DLGAP2: variants seen among roughly 807,000 people sequenced by gnomAD.
DLGAP2 encodes the protein disks large-associated protein 2.
Under a neutral mutation model 100.3 loss-of-function variants are expected in DLGAP2, and 26 were observed. The observed-to-expected ratio is 0.26, with a 90% CI of 0.19 to 0.36. DLGAP2 has a LOEUF of 0.36. DLGAP2 is among the 10% of genes least tolerant of loss of function. The pLI is 1.00. For synonymous variants in DLGAP2, 886 were observed against 630.1 expected (o/e 1.41, Z -6.08); for missense variants, 1,858 against 1,453.2 (o/e 1.28, Z -4.53).
chr8:828,775 A>G (rs1034667526), intron 1 of DLGAP2, among the ~76,000 whole-genome samples: 3 of 152,228 alleles, frequency 2.0e-5, no homozygotes, highest in African/African-American at 4.8e-5. Context: ...TTACAAAAGT[A>G]TTAATTTGGG....
rs564215028 is a variant in DLGAP2 at position 881,050 on chromosome 8, A to G, written c.19-26862A>G. Among the ~76,000 whole-genome samples, 4 of 152,358 alleles carry G rather than the reference A, an allele frequency of 2.6e-5. No individual in the cohort carries two copies. In the South Asian group the frequency reaches 6.2e-4, roughly 24 times the overall value. On this transcript the variant is annotated intron_variant, in intron 1 of 14. Coordinates refer to ENST00000637795, the MANE Select transcript of DLGAP2 (RefSeq NM_001346810.2). The stretch of plus-strand genomic sequence containing the variant: ...ATATAAGTGAGTAAGGTCTACCTTC[A>G]TTTTGCAAAGCTCAGGTGATATTCA...
At chr8:1,443,998 C>T (rs1394279801) in intron 3 of DLGAP2, among the ~76,000 whole-genome samples, 1 of 152,164 alleles carries the variant, frequency 6.6e-6, no homozygotes, top group Non-Finnish European at 1.5e-5. Context: ...AGAAGCATGC[C>T]AATTATGAGT....
chr8:1,627,355 C>T (rs984515337), intron 7 of DLGAP2, among the ~76,000 whole-genome samples: 3 of 152,212 alleles, frequency 2.0e-5, no homozygotes, highest in East Asian at 1.9e-4. Flanking sequence ...GGACTGATTT[C>T]GGGACAGGCA....
At chr8:1,451,821 G>C (rs1442613343) in intron 3 of DLGAP2, among the ~76,000 whole-genome samples, 1 of 152,162 alleles carries the variant, frequency 6.6e-6, no homozygotes, top group East Asian at 1.9e-4. Context: ...CCACTAGGTA[G>C]CTGGCCCACA....
intron 2 of DLGAP2, among the ~76,000 whole-genome samples, chr8:1,234,998 GTTCTCTCACACATAGCGTTGTGTCTAA>G (rs1032844058): frequency 1.1e-4 from 1 of 9,150 alleles, no homozygotes; most frequent in African/African-American, 2.1e-4. Context: ...ATCGTGTCTA[GTTCTCTCACACATAGCGTTGTGTCTAA>G]TTCTCTCTCA....
At chr8:1,513,531 C>T (rs1372690077) in intron 4 of DLGAP2, among the ~76,000 whole-genome samples, 1 of 152,246 alleles carries the variant, frequency 6.6e-6, no homozygotes, top group Admixed American at 6.5e-5. Flanking sequence ...AGTGGTTTGC[C>T]TCTGTGGCAT....
chr8:943,106 T>C (rs1045138236), intron 2 of DLGAP2, among the ~76,000 whole-genome samples: 3 of 152,214 alleles, frequency 2.0e-5, no homozygotes, highest in African/African-American at 7.2e-5. Flanking sequence ...TGGCATCACA[T>C]TGTTTATACA....
intron 6 of DLGAP2, among the ~76,000 whole-genome samples, chr8:1,619,340 C>T (rs1441748983): frequency 3.3e-5 from 5 of 152,300 alleles, no homozygotes; most frequent in East Asian, 3.9e-4. Context: ...CAAGAGGATA[C>T]GGGTGGAGGC....
intron 3 of DLGAP2, among the ~76,000 whole-genome samples, chr8:1,357,167 A>G (rs1027754030): frequency 2.0e-5 from 3 of 152,156 alleles, no homozygotes; most frequent in African/African-American, 7.2e-5. Context: ...GTGGACCAGG[A>G]AACGAGCCGC....
At chr8:1,682,665 A>G (rs1367084700) in intron 12 of DLGAP2, among the ~76,000 whole-genome samples, 2 of 151,248 alleles carry the variant, frequency 1.3e-5, no homozygotes, top group Admixed American at 1.3e-4. Context: ...GTAGAGATGG[A>G]GTTTCACCAT....
At chr8:1,518,814 G>C (rs1800485880) in intron 4 of DLGAP2, among the ~76,000 whole-genome samples, 1 of 152,150 alleles carries the variant, frequency 6.6e-6, no homozygotes, top group Non-Finnish European at 1.5e-5. Context: ...CACTGTCTTT[G>C]GCTACTGGAA....
chr8:905,461 A>G (rs1798359484), intron 1 of DLGAP2, among the ~76,000 whole-genome samples: 1 of 152,004 alleles, frequency 6.6e-6, no homozygotes, highest in African/African-American at 2.4e-5. Context: ...CCCCCCCCAC[A>G]GCCCTTTTTC....
intron 2 of DLGAP2, among the ~76,000 whole-genome samples, chr8:1,183,826 C>T (rs1797443336): frequency 6.6e-6 from 1 of 152,198 alleles, no homozygotes; most frequent in Admixed American, 6.5e-5. Flanking sequence ...AGCCTTCAGG[C>T]AGAGAACGTA....
At chr8:1,588,923 A>C (rs1299046229) in intron 6 of DLGAP2, among the ~76,000 whole-genome samples, 1 of 152,106 alleles carries the variant, frequency 6.6e-6, no homozygotes, top group Non-Finnish European at 1.5e-5. Context: ...CTTCATCTCA[A>C]GTTTGGAGGG....
chr8:1,441,368 T>G (rs1160785827), intron 3 of DLGAP2, among the ~76,000 whole-genome samples: 1 of 152,150 alleles, frequency 6.6e-6, no homozygotes, highest in Admixed American at 6.6e-5. Flanking sequence ...TCACTGTTTC[T>G]GAGAGCGATC....
At chr8:922,174 G>T (rs74318497) in intron 2 of DLGAP2, among the ~76,000 whole-genome samples, 16,022 of 152,290 alleles carry the variant, frequency 0.11, 1,298 homozygotes, top group Admixed American at 0.25. Flanking sequence ...GGAAGTTGGT[G>T]GAGGCTGTGT....
intron 11 of DLGAP2, among the ~76,000 whole-genome samples, chr8:1,677,423 G>A (rs560563344): frequency 1.3e-5 from 2 of 152,264 alleles, no homozygotes; most frequent in South Asian, 4.2e-4. Flanking sequence ...ACGTGGCAAC[G>A]TCACTAACCA....
intron 2 of DLGAP2, among the ~76,000 whole-genome samples, chr8:1,227,574 A>G (rs1360623607): frequency 6.6e-6 from 1 of 151,892 alleles, no homozygotes; most frequent in Non-Finnish European, 1.5e-5. Flanking sequence ...GCTCACTGCA[A>G]ACTCCACCTC....
chr8:1,298,312 C>T (rs565295628), intron 3 of DLGAP2, among the ~76,000 whole-genome samples: 17 of 152,238 alleles, frequency 1.1e-4, no homozygotes, highest in South Asian at 4.1e-4. Context: ...CAAATGCGTC[C>T]GCTTCCTGGT....
Sources: allele counts gnomAD v4.1 joint callset (sites outside exome capture counted in the v4.1 genomes callset), GRCh38; gene constraint gnomAD v4.1.1; transcripts MANE v1.5; gene names NCBI Gene and HGNC (gene_info 2026-07-23, HGNC 2026-07-21).